The following EPHA7 variants were observed in gnomAD, a reference collection of about 807,000 sequenced individuals.
EPHA7 encodes the protein ephrin type-A receptor 7.
In EPHA7, 25 loss-of-function variants were observed where a neutral mutation model predicts 112.6. The observed-to-expected ratio is 0.22, with a 90% CI of 0.16 to 0.31. The LOEUF (loss-of-function observed/expected upper bound fraction) is 0.31, where lower values mean the gene tolerates loss of function less well. Ranked by LOEUF, EPHA7 falls within the 10% of genes least tolerant of loss-of-function variation. The pLI is 1.00. For missense variants in EPHA7, 962 were observed against 1,212.6 expected (o/e 0.79, Z 3.07); for synonymous variants, 437 against 406.5 (o/e 1.07, Z -0.90).
intron 7 of EPHA7, among the ~76,000 whole-genome samples, chr6:93,268,352 A>C (rs1771048148): frequency 6.6e-6 from 1 of 151,826 alleles, no homozygotes; most frequent in Non-Finnish European, 1.5e-5. Context: ...AGCAAACTTT[A>C]CAAACATTAG....
chr6:93,387,924 C>CAGACAGACAGATAGATAGAT lies in EPHA7; in HGVS notation c.832+22576_832+22577insATCTATCTATCTGTCTGTCT, dbSNP rs1310430859. 8.1e-3 allele frequency among the ~76,000 whole-genome samples: 1,175 copies of CAGACAGACAGATAGATAGAT among 145,648 alleles called. 8 individuals are homozygous for CAGACAGACAGATAGATAGAT. Among genetic ancestry groups the CAGACAGACAGATAGATAGAT allele is most frequent in the Non-Finnish European group, 9.3e-3 (618 of 66,656 alleles). On this transcript the variant is annotated intron_variant, in intron 3 of 16. Transcript: ENST00000369303. ...AGCCAGACCATCTTAGATAGATAGA[C>CAGACAGACAGATAGATAGAT]AGATAGATAGATAGATAGATAGATA... is the stretch of plus-strand genomic sequence containing the variant.
At chr6:93,347,488 C>T (rs1033049009) in intron 5 of EPHA7, among the ~76,000 whole-genome samples, 10 of 151,654 alleles carry the variant, frequency 6.6e-5, no homozygotes, top group Non-Finnish European at 1.5e-5. Context: ...ATTTCTTGTC[C>T]CATAAATAAA....
chr6:93,318,616 A>C lies in EPHA7; in HGVS notation c.1324+38101T>G, dbSNP rs373468829. The stretch of plus-strand genomic sequence containing the variant: ...AATAAACAGTAGACATAAAAGTACT[A>C]TGTCATTTTGTTTTTTGTTTGTTTG... On this transcript the variant is annotated intron_variant, in intron 5 of 16. Transcript: ENST00000369303. Among the ~76,000 whole-genome samples, 22 of 152,180 alleles carry C rather than the reference A, an allele frequency of 1.4e-4. No homozygotes were observed. In the East Asian group the frequency reaches 3.3e-3, roughly 23 times the overall value.
At chr6:93,293,170 C>CAT (rs3078555) in intron 5 of EPHA7, among the ~76,000 whole-genome samples, 9,381 of 149,200 alleles carry the variant, frequency 0.063, 501 homozygotes, top group African/African-American at 0.15. Flanking sequence ...TATGTAAACC[C>CAT]ATATATATAT....
intron 5 of EPHA7, among the ~76,000 whole-genome samples, chr6:93,287,842 A>G (rs962033254): frequency 3.3e-5 from 5 of 152,160 alleles, no homozygotes; most frequent in African/African-American, 7.2e-5. Flanking sequence ...GTTCATCATT[A>G]TTAGTTATTA....
chr6:93,405,799 G>GTATATATATATA (rs1778669511), intron 3 of EPHA7, among the ~76,000 whole-genome samples: 1 of 68,866 alleles, frequency 1.5e-5, no homozygotes, highest in Admixed American at 1.6e-4. Flanking sequence ...GTGTGTGTGT[G>GTATATATATATA]TGTGTGTGTG....
rs1769634356 is a variant in EPHA7 at position 93,240,246 on chromosome 6, C to T, written c.*3180G>A. 3 of 224,260 alleles carry T rather than the reference C, an allele frequency of 1.3e-5. No individual in the cohort carries two copies. The highest frequency in any genetic ancestry group is 4.5e-5 in the African/African-American group (2 of 44,852). The allele number at this position is 224,260 out of a possible 1,614,324, so 13.9% of individuals were successfully genotyped here. The stretch of plus-strand genomic sequence containing the variant: ...CCCCGAGTTCCCCATGATTTCTCCA[C>T]ATATAGCAAAAAAATACACATCAGT... On this transcript the variant is annotated 3_prime_UTR_variant, in exon 17 of 17. Transcript: ENST00000369303.
chr6:93,383,908 A>G (rs1777474364), intron 3 of EPHA7, among the ~76,000 whole-genome samples: 1 of 152,064 alleles, frequency 6.6e-6, no homozygotes, highest in Admixed American at 6.5e-5. Context: ...GGCTGATCTC[A>G]AACTCCTAGC....
chr6:93,339,017 G>A (rs981571240), intron 5 of EPHA7, among the ~76,000 whole-genome samples: 10 of 150,120 alleles, frequency 6.7e-5, no homozygotes, highest in East Asian at 5.8e-4. Context: ...ATATAATACC[G>A]TAGGATACCA....
chr6:93,297,595 C>G (rs1772738222), intron 5 of EPHA7, among the ~76,000 whole-genome samples: 1 of 152,066 alleles, frequency 6.6e-6, no homozygotes, highest in Admixed American at 6.6e-5. Context: ...TATAGCCGTT[C>G]TAAACCAAAG....
At chr6:93,406,131 G>A (rs1472439054) in intron 3 of EPHA7, among the ~76,000 whole-genome samples, 3 of 150,950 alleles carry the variant, frequency 2.0e-5, no homozygotes, top group Non-Finnish European at 4.4e-5. Context: ...AAAATTATAA[G>A]TGTATGATTA....
chr6:93,394,160 T>C (rs1778047657), intron 3 of EPHA7, among the ~76,000 whole-genome samples: 1 of 151,808 alleles, frequency 6.6e-6, no homozygotes. Flanking sequence ...CTACTAACAA[T>C]AACAAAACTT....
intron 3 of EPHA7, among the ~76,000 whole-genome samples, chr6:93,394,529 G>C (rs140279267): frequency 6.6e-6 from 1 of 151,652 alleles, no homozygotes; most frequent in African/African-American, 2.4e-5. Flanking sequence ...ATGCCAGGAG[G>C]AAACTATGTA....
intron 5 of EPHA7, among the ~76,000 whole-genome samples, chr6:93,299,794 T>TAA (rs1181244899): frequency 6.6e-6 from 1 of 152,172 alleles, no homozygotes; most frequent in Non-Finnish European, 1.5e-5. Context: ...TATGCAGCCG[T>TAA]AAAAAAGAAT....
chr6:93,304,351 A>G (rs1273767999), intron 5 of EPHA7, among the ~76,000 whole-genome samples: 8 of 151,988 alleles, frequency 5.3e-5, no homozygotes, highest in Non-Finnish European at 8.8e-5. Flanking sequence ...GTTTGTATTT[A>G]CAAGGTAAAC....
At chr6:93,323,171 C>A (rs1034497912) in intron 5 of EPHA7, among the ~76,000 whole-genome samples, 14 of 151,486 alleles carry the variant, frequency 9.2e-5, no homozygotes, top group Admixed American at 2.0e-4. Flanking sequence ...ATATTCGTCT[C>A]TTTATGAAAG....
intron 5 of EPHA7, among the ~76,000 whole-genome samples, chr6:93,301,974 CATCCTCACAGA>C (rs144619084): frequency 0.11 from 17,199 of 152,130 alleles, 1,087 homozygotes; most frequent in South Asian, 0.18. Flanking sequence ...CTTGTTCTAA[CATCCTCACAGA>C]ATCTTGCTTA....
intron 5 of EPHA7, among the ~76,000 whole-genome samples, chr6:93,351,999 T>C (rs1349356781): frequency 1.3e-5 from 2 of 152,112 alleles, no homozygotes; most frequent in Non-Finnish European, 2.9e-5. Flanking sequence ...TCATCTAATA[T>C]CAAATAATAA....
intron 14 of EPHA7, among the ~76,000 whole-genome samples, chr6:93,250,926 T>C (rs1314873004): frequency 1.3e-5 from 2 of 152,112 alleles, no homozygotes; most frequent in Admixed American, 6.6e-5. Context: ...TACTTAGAAA[T>C]AAAAACAAAA....
Sources: allele counts gnomAD v4.1 joint callset (sites outside exome capture counted in the v4.1 genomes callset), GRCh38; gene constraint gnomAD v4.1.1; transcripts MANE v1.5; gene names NCBI Gene and HGNC (gene_info 2026-07-23, HGNC 2026-07-21).